The following RP1 variants were observed in gnomAD, a reference collection of about 807,000 sequenced individuals.
RP1 encodes RP1 axonemal microtubule associated.
A neutral mutation model predicts 14.8 loss-of-function variants in RP1; 16 were observed. The ratio of observed to expected loss-of-function variants is 1.08; its 90% CI spans 0.73 to 1.65. RP1 has a LOEUF of 1.65. Among genes scored for constraint, RP1 ranks in the 40% most tolerant of loss-of-function variants. The pLI is 0.00. For missense variants in RP1, 2,631 were observed against 2,535.0 expected (o/e 1.04, Z -0.81); for synonymous variants, 876 against 883.6 (o/e 0.99, Z 0.15).
intron 24 of RP1, among the ~76,000 whole-genome samples, chr8:54,785,990 A>C (rs1319575689): frequency 6.6e-6 from 1 of 152,110 alleles, no homozygotes; most frequent in Non-Finnish European, 1.5e-5. Context: ...ATCTGTTATC[A>C]TATCGATAAC....
chr8:54,854,004 A>G (rs1812127613), intron 26 of RP1, among the ~76,000 whole-genome samples: 2 of 151,980 alleles, frequency 1.3e-5, no homozygotes, highest in Admixed American at 6.6e-5. Flanking sequence ...AAAGAAAAGA[A>G]AAGAAATGAA....
At chr8:54,838,607 G>A (rs1385927876) in intron 25 of RP1, among the ~76,000 whole-genome samples, 1 of 152,182 alleles carries the variant, frequency 6.6e-6, no homozygotes, top group South Asian at 2.1e-4. Flanking sequence ...GTATGCATGT[G>A]TGTATATGTG....
At position 54,627,573 on chromosome 8, in the gene RP1, G is replaced by A. The variant is rs781423072; in HGVS notation, c.3691G>A (p.Gly1231Arg). The A allele has an allele frequency of 6.2e-7, 1 of 1,614,176 alleles. No homozygotes were observed. The highest frequency in any genetic ancestry group is 1.1e-5 in the South Asian group (1 of 91,090). ...GTGCAGTGAAAATGAAAGAACACAAGGAATCTCCTCTTTGGATGGAGGTTG... is the reference window on the plus strand; with the variant it reads ...GTGCAGTGAAAATGAAAGAACACAAAGAATCTCCTCTTTGGATGGAGGTTG... Reference protein sequence around the residue: ...PKCSENERTQGISSLDGGCSA... With the variant: ...PKCSENERTQRISSLDGGCSA... Residue 1231 changes from glycine (G) to arginine (R), a missense_variant, in exon 4 of 4, where the codon GGA becomes AGA. Gly to Arg is a moderately radical substitution (Grantham distance 125, BLOSUM62 -2). Transcript: ENST00000220676.
At chr8:54,830,570 C>T (rs1811495739) in intron 24 of RP1, among the ~76,000 whole-genome samples, 1 of 152,014 alleles carries the variant, frequency 6.6e-6, no homozygotes, top group African/African-American at 2.4e-5. Flanking sequence ...CCTTTTTTAG[C>T]TGTCTGTATC....
intron 15 of RP1, among the ~76,000 whole-genome samples, chr8:54,717,422 AGTTAGAT>A (rs1243300267): frequency 1.3e-5 from 2 of 152,172 alleles, no homozygotes; most frequent in Non-Finnish European, 2.9e-5. Flanking sequence ...TCCTTACTTG[AGTTAGAT>A]CTAGGAATGA....
intron 7 of RP1, among the ~76,000 whole-genome samples, chr8:54,668,414 T>C (rs1196539102): frequency 6.6e-6 from 1 of 152,118 alleles, no homozygotes; most frequent in Non-Finnish European, 1.5e-5. Flanking sequence ...TGCTTATGGA[T>C]AGGAAGAATC....
chr8:54,861,943 G>C (rs1328880614), intron 27 of RP1, among the ~76,000 whole-genome samples: 1 of 152,144 alleles, frequency 6.6e-6, no homozygotes, highest in Admixed American at 6.6e-5. Context: ...AGTTCTTCTA[G>C]GAGGGTGGTT....
intron 15 of RP1, among the ~76,000 whole-genome samples, chr8:54,711,439 C>T (rs930786694): frequency 6.6e-6 from 1 of 152,182 alleles, no homozygotes; most frequent in African/African-American, 2.4e-5. Context: ...CTCTTGAATA[C>T]TCTGTAAATC....
intron 1 of RP1, among the ~76,000 whole-genome samples, chr8:54,587,287 A>G (rs975733448): frequency 2.6e-5 from 4 of 152,164 alleles, no homozygotes; most frequent in Non-Finnish European, 5.9e-5. Context: ...TTAGCTGGAC[A>G]TGATGGTGGG....
chr8:54,699,505 AT>A lies in RP1; in HGVS notation c.1760del (p.Phe587SerfsTer6). ...TATTTTCAACAAAAGAAATATATGC[AT>A]TTTCCAAAGTCATGAGATGAGGCAT... On this transcript the variant is annotated frameshift_variant, in exon 13 of 23. Transcript: ENST00000636932. LOFTEE classifies it high-confidence loss of function. 1 of 1,403,594 alleles carries A rather than the reference AT, an allele frequency of 7.1e-7. No homozygotes were observed. 86.9% of individuals were successfully genotyped at this position (1,403,594 alleles called of 1,614,324 possible).
At chr8:54,755,573 A>C in intron 20 of RP1, 7 of 1,526,260 alleles carry the variant, frequency 4.6e-6, no homozygotes, top group Non-Finnish European at 4.4e-6. Flanking sequence ...TATGGATTTC[A>C]AGGTAATGTA....
chr8:54,712,501 G>T (rs1808315846), intron 15 of RP1, among the ~76,000 whole-genome samples: 1 of 152,154 alleles, frequency 6.6e-6, no homozygotes, highest in Non-Finnish European at 1.5e-5. Context: ...GTCACCAGTT[G>T]TTTTGTGCAT....
intron 1 of RP1, among the ~76,000 whole-genome samples, chr8:54,599,549 C>T (rs112724297): frequency 5.9e-5 from 9 of 152,082 alleles, no homozygotes; most frequent in African/African-American, 1.7e-4. Flanking sequence ...ACCTCTGTCT[C>T]CTGGCTTCAA....
At chr8:54,631,327 A>G (rs1376896789), downstream of RP1, among the ~76,000 whole-genome samples, 1 of 152,178 alleles carries the variant, frequency 6.6e-6, no homozygotes, top group African/African-American at 2.4e-5. Context: ...AAAATATGGA[A>G]GCTATAATGT....
chr8:54,666,835 ATGCC>A (rs1228658869), intron 7 of RP1, among the ~76,000 whole-genome samples: 1 of 152,020 alleles, frequency 6.6e-6, no homozygotes, highest in Non-Finnish European at 1.5e-5. Flanking sequence ...GGATTTTCAA[ATGCC>A]AAGCCCCATC....
chr8:54,869,794 C>T (rs1431035937), intron 28 of RP1: 4 of 741,600 alleles, frequency 5.4e-6, no homozygotes, highest in South Asian at 6.8e-5. Context: ...TAATGAGCCT[C>T]CTTTCAATGC....
chr8:54,587,989 A>G, intron 1 of RP1, among the ~76,000 whole-genome samples: 1 of 152,192 alleles, frequency 6.6e-6, no homozygotes, highest in East Asian at 1.9e-4. Context: ...TTCTCTTCCT[A>G]CAGAGCAATG....
intron 15 of RP1, among the ~76,000 whole-genome samples, chr8:54,719,851 A>G (rs549177161): frequency 6.6e-6 from 1 of 152,320 alleles, no homozygotes; most frequent in East Asian, 1.9e-4. Flanking sequence ...TCTAAAATGA[A>G]ATACAGCATA....
intron 24 of RP1, among the ~76,000 whole-genome samples, chr8:54,794,827 G>A (rs1044309940): frequency 6.6e-6 from 1 of 151,928 alleles, no homozygotes; most frequent in African/African-American, 2.4e-5. Context: ...GAAAATATTT[G>A]CAAACCAAAT....
Sources: allele counts gnomAD v4.1 joint callset (sites outside exome capture counted in the v4.1 genomes callset), GRCh38; gene constraint gnomAD v4.1.1; transcripts MANE v1.5; gene names NCBI Gene and HGNC (gene_info 2026-07-23, HGNC 2026-07-21).